PDE1C: variants seen among roughly 807,000 people sequenced by gnomAD.
The protein encoded by PDE1C is dual specificity calcium/calmodulin-dependent 3',5'-cyclic nucleotide phosphodiesterase 1C.
PDE1C carries 62 observed loss-of-function variants against 93.1 expected under a neutral mutation model. The ratio of observed to expected loss-of-function variants is 0.67; its 90% CI spans 0.54 to 0.82. The LOEUF (loss-of-function observed/expected upper bound fraction) is 0.82, where lower values mean the gene tolerates loss of function less well. Ranked by LOEUF, PDE1C falls within the 40% of genes least tolerant of loss-of-function variation. The pLI is 0.00. For synonymous variants in PDE1C, 325 were observed against 310.1 expected (o/e 1.05, Z -0.50); for missense variants, 742 against 884.6 (o/e 0.84, Z 2.04).
At chr7:31,628,614 C>A in the PDE1C span, among the ~76,000 whole-genome samples, 4 of 152,012 alleles carry the variant, frequency 2.6e-5, no homozygotes, top group Non-Finnish European at 5.9e-5. Flanking sequence ...CCCGCCACCA[C>A]GCCCCGCTAA....
intron 2 of PDE1C, among the ~76,000 whole-genome samples, chr7:32,042,179 A>G (rs983625860): frequency 2.0e-5 from 3 of 152,216 alleles, no homozygotes; most frequent in Non-Finnish European, 4.4e-5. Flanking sequence ...ATGCACCTGT[A>G]ATCTCAGCTA....
chr7:32,387,196 G>A (rs1302366026), intron 1 of PDE1C, among the ~76,000 whole-genome samples: 1 of 151,652 alleles, frequency 6.6e-6, no homozygotes, highest in African/African-American at 2.4e-5. Context: ...TTGGGGATAA[G>A]GTCACAGATC....
At chr7:32,024,654 A>G (rs1789160827) in intron 2 of PDE1C, among the ~76,000 whole-genome samples, 1 of 152,144 alleles carries the variant, frequency 6.6e-6, no homozygotes, top group South Asian at 2.1e-4. Context: ...CTTTTCATCT[A>G]GGCCCATCTG....
chr7:32,291,096 A>G (rs1340670491), intron 1 of PDE1C, among the ~76,000 whole-genome samples: 1 of 152,188 alleles, frequency 6.6e-6, no homozygotes, highest in East Asian at 1.9e-4. Flanking sequence ...CTCCTCTAAC[A>G]CCCTAGGAGG....
intron 2 of PDE1C, among the ~76,000 whole-genome samples, chr7:32,046,313 T>C (rs1368414570): frequency 1.3e-5 from 2 of 152,158 alleles, no homozygotes; most frequent in African/African-American, 4.8e-5. Context: ...GCTATCCTAT[T>C]AGACTTCAGT....
intron 3 of PDE1C, among the ~76,000 whole-genome samples, chr7:32,168,610 G>T (rs112412589): frequency 0.014 from 2,090 of 152,248 alleles, 54 homozygotes; most frequent in African/African-American, 0.048. Flanking sequence ...TTCATAAGAC[G>T]TATTCTCTCA....
rs58719690 is a variant in PDE1C, at chr7:32,128,954, A to ATAT, written c.308+40830_308+40831insATA. ...ATATATATATATATATATATATATA[A>ATAT]AGAAAAATCTAAAAAAAACAGAAAA... is the stretch of plus-strand genomic sequence containing the variant. On this transcript the variant is annotated intron_variant, in intron 3 of 18. Coordinates refer to the PDE1C transcript ENST00000396193. Among the ~76,000 whole-genome samples, 153 of 78,996 alleles carry ATAT rather than the reference A, an allele frequency of 1.9e-3. 12 individuals are homozygous for ATAT. The highest frequency in any genetic ancestry group is 9.3e-3 in the African/African-American group (145 of 15,516). The allele number at this position is 78,996 out of a possible 152,430, so 51.8% of individuals were successfully genotyped here.
chr7:31,913,590 C>T (rs948205194), intron 2 of PDE1C, among the ~76,000 whole-genome samples: 1 of 152,042 alleles, frequency 6.6e-6, no homozygotes, highest in Admixed American at 6.6e-5. Context: ...ACAAAAGACA[C>T]AAAAATCTGA....
chr7:31,982,585 C>T (rs1812535822), intron 2 of PDE1C, among the ~76,000 whole-genome samples: 1 of 151,482 alleles, frequency 6.6e-6, no homozygotes, highest in East Asian at 1.9e-4. Context: ...TTAATGGGTC[C>T]CTCTCAGTTT....
At chr7:32,231,950 T>C (rs1175265058) in intron 1 of PDE1C, among the ~76,000 whole-genome samples, 2 of 117,924 alleles carry the variant, frequency 1.7e-5, no homozygotes, top group South Asian at 3.1e-4. Flanking sequence ...AACAAATAAA[T>C]ATGTGTATAC....
At chr7:32,100,137 G>A (rs142848904) in intron 3 of PDE1C, among the ~76,000 whole-genome samples, 3 of 152,302 alleles carry the variant, frequency 2.0e-5, no homozygotes, top group South Asian at 2.1e-4. Flanking sequence ...CACAGGTAGT[G>A]CATGGCAACT....
intron 2 of PDE1C, among the ~76,000 whole-genome samples, chr7:31,915,888 T>A (rs970889798): frequency 1.3e-5 from 2 of 152,030 alleles, no homozygotes; most frequent in Non-Finnish European, 2.9e-5. Flanking sequence ...TATGATTAGG[T>A]TTGACGAAGA....
At chr7:32,137,879 C>T (rs957348568) in intron 3 of PDE1C, among the ~76,000 whole-genome samples, 9 of 152,164 alleles carry the variant, frequency 5.9e-5, no homozygotes, top group African/African-American at 2.2e-4. Flanking sequence ...AAGAGGTTTG[C>T]ATCCATCCAT....
intron 5 of PDE1C, among the ~76,000 whole-genome samples, chr7:31,874,534 A>G (rs938028361): frequency 3.3e-5 from 5 of 152,202 alleles, no homozygotes; most frequent in African/African-American, 1.2e-4. Context: ...AACATAATCC[A>G]TCCATCCTAA....
At chr7:32,360,252 T>A (rs1404927854) in intron 1 of PDE1C, among the ~76,000 whole-genome samples, 1 of 152,232 alleles carries the variant, frequency 6.6e-6, no homozygotes. Context: ...GTCTTTGCGA[T>A]CTATAAAGTG....
rs116346304 is a variant in PDE1C, at chr7:32,357,663, C to T, written c.310+70159G>A. 7.9e-3 allele frequency among the ~76,000 whole-genome samples: 1,197 copies of T among 152,254 alleles called. 11 individuals are homozygous for T. Among genetic ancestry groups the T allele is most frequent in the African/African-American group, 0.027 (1,124 of 41,536 alleles). ...CCTCAAACTCACTGTAACAAGCCCC[C>T]GTTCTGTTTCCCTACCTGGAGATGA... is the stretch of plus-strand genomic sequence containing the variant. On this transcript the variant is annotated intron_variant, in intron 1 of 1. Transcript: ENST00000672256.
the PDE1C span, among the ~76,000 whole-genome samples, chr7:31,627,817 AAGGAG>A: frequency 3.9e-5 from 6 of 152,178 alleles, no homozygotes; most frequent in African/African-American, 1.4e-4. Flanking sequence ...TTTTATTAAA[AAGGAG>A]ATTAATTGGA....
the PDE1C span, among the ~76,000 whole-genome samples, chr7:31,671,744 G>A: frequency 6.6e-6 from 1 of 152,160 alleles, no homozygotes; most frequent in African/African-American, 2.4e-5. Context: ...TTTGCTAGAT[G>A]GTCAACCAGT....
chr7:31,892,693 A>T (rs903558109), intron 2 of PDE1C, among the ~76,000 whole-genome samples: 4 of 152,114 alleles, frequency 2.6e-5, no homozygotes, highest in African/African-American at 7.2e-5. Flanking sequence ...TTAGATCCTG[A>T]ATATGAGAAC....
Sources: gnomAD v4.1 joint callset for allele counts (sites outside exome capture counted in the v4.1 genomes callset) on GRCh38, gnomAD v4.1.1 for gene constraint, MANE v1.5 for transcripts, NCBI Gene and HGNC (gene_info 2026-07-23, HGNC 2026-07-21) for gene names.